Variants in ARHGAP44 observed in about 807,000 individuals in gnomAD.
ARHGAP44 encodes Rho GTPase activating protein 44, also known as rho GTPase-activating protein 44.
Under a neutral mutation model 106.8 loss-of-function variants are expected in ARHGAP44, and 43 were observed. That is an observed-to-expected ratio of 0.40 (90% CI 0.32 to 0.52). The LOEUF (loss-of-function observed/expected upper bound fraction) is 0.52. Ranked by LOEUF, ARHGAP44 falls within the 20% of genes least tolerant of loss-of-function variation. The probability of loss-of-function intolerance (pLI) is 0.48; values close to 1 mark genes in which losing one functional copy is unlikely to be tolerated. For synonymous variants in ARHGAP44, 439 were observed against 410.3 expected, an observed-to-expected ratio of 1.07 and a Z score of -0.85; for missense variants, 866 against 1,050.5, an observed-to-expected ratio of 0.82 and a Z score of 2.43.
chr17:12,956,888 C>T (rs888299080), intron 15 of ARHGAP44, 142 bp downstream of exon 15: 131 of 639,040 alleles, frequency 2.0e-4, no homozygotes, highest in Middle Eastern at 4.1e-4. Context: ...CACACACACA[C>T]GCATGCAGAC....
At chr17:12,870,396 G>A (rs1363812567) in intron 1 of ARHGAP44, among the ~76,000 whole-genome samples, 3 of 152,094 alleles carry the variant, frequency 2.0e-5, no homozygotes, top group South Asian at 2.1e-4. Flanking sequence ...CTTTTAATAC[G>A]TACTGCCAGA....
chr17:12,983,770 C>T (rs998763600), intron 19 of ARHGAP44, among the ~76,000 whole-genome samples: 9 of 152,020 alleles, frequency 5.9e-5, no homozygotes, highest in Non-Finnish European at 1.3e-4. Flanking sequence ...CGCCATTGCA[C>T]TCCAGCCTGG....
chr17:12,862,247 A>G (rs903390875), intron 1 of ARHGAP44, among the ~76,000 whole-genome samples: 1 of 152,050 alleles, frequency 6.6e-6, no homozygotes, highest in South Asian at 2.1e-4. Context: ...CAAAGAATGG[A>G]GTCAACCTTA....
intron 1 of ARHGAP44, among the ~76,000 whole-genome samples, chr17:12,868,004 A>G (rs1425137764): frequency 6.6e-6 from 1 of 152,202 alleles, no homozygotes; most frequent in Non-Finnish European, 1.5e-5. Context: ...TTGCAGTGAC[A>G]AAGAGACGGT....
chr17:12,882,366 C>A (rs574175181), intron 1 of ARHGAP44, among the ~76,000 whole-genome samples: 2 of 152,144 alleles, frequency 1.3e-5, no homozygotes, highest in Non-Finnish European at 2.9e-5. Context: ...CTGTAGATTA[C>A]TTTGGATTAT....
At chr17:12,950,107 C>G (rs574263940) in intron 12 of ARHGAP44, among the ~76,000 whole-genome samples, 1 of 152,054 alleles carries the variant, frequency 6.6e-6, no homozygotes, top group Non-Finnish European at 1.5e-5. Flanking sequence ...GTTATAAAAA[C>G]GAAAACAAAC....
intron 7 of ARHGAP44, chr17:12,929,254 A>G (rs2038332946): frequency 2.2e-6 from 1 of 456,174 alleles, no homozygotes; most frequent in Non-Finnish European, 4.0e-6. Context: ...GGGAGGCAGC[A>G]TTCATTTATC....
At chr17:12,939,698 C>A (rs2038653587) in intron 7 of ARHGAP44, among the ~76,000 whole-genome samples, 1 of 152,164 alleles carries the variant, frequency 6.6e-6, no homozygotes, top group Admixed American at 6.5e-5. Flanking sequence ...GATCTCCTGA[C>A]CTCGTGATCC....
At chr17:12,847,155 G>A (rs2035591636) in intron 1 of ARHGAP44, among the ~76,000 whole-genome samples, 3 of 152,172 alleles carry the variant, frequency 2.0e-5, no homozygotes. Context: ...AGGCATAGCA[G>A]TATAGGCTGA....
chr17:12,857,976 C>A (rs1259300654), intron 1 of ARHGAP44, among the ~76,000 whole-genome samples: 1 of 152,000 alleles, frequency 6.6e-6, no homozygotes, highest in Non-Finnish European at 1.5e-5. Context: ...GATTGGCTGC[C>A]ACTAATCCTG....
intron 4 of ARHGAP44, among the ~76,000 whole-genome samples, 190 bp downstream of exon 4, chr17:12,909,163 G>T (rs1452100113): frequency 6.6e-6 from 1 of 152,160 alleles, no homozygotes; most frequent in East Asian, 1.9e-4. Context: ...GTGAGGCAAG[G>T]CCCAAGTGGA....
chr17:12,912,487 T>A (rs1049978652), intron 4 of ARHGAP44, among the ~76,000 whole-genome samples: 4 of 151,016 alleles, frequency 2.6e-5, no homozygotes, highest in African/African-American at 9.7e-5. Context: ...AAAACAGGAG[T>A]TCTTAGAAAA....
chr17:12,884,711 CA>C (rs1250627881), intron 1 of ARHGAP44, among the ~76,000 whole-genome samples: 1 of 152,170 alleles, frequency 6.6e-6, no homozygotes, highest in African/African-American at 2.4e-5. Context: ...CCCCCATCTA[CA>C]TCACCCACTG....
At chr17:12,896,593 A>G in intron 3 of ARHGAP44, 82 bp downstream of exon 3, 1 of 1,227,596 alleles carries the variant, frequency 8.1e-7, no homozygotes, top group Non-Finnish European at 1.1e-6. Flanking sequence ...TCCTGGATGT[A>G]GCTGTTTATG....
At chr17:12,870,069 GATAGAGTCT>G (rs1415738030) in intron 1 of ARHGAP44, among the ~76,000 whole-genome samples, 31 of 17,674 alleles carry the variant, frequency 1.8e-3, no homozygotes, top group African/African-American at 5.3e-3. Context: ...TTTTTTTTGA[GATAGAGTCT>G]TGCTCTGTCA....
At chr17:12,897,921 G>C (rs1269087787) in intron 3 of ARHGAP44, among the ~76,000 whole-genome samples, 3 of 152,026 alleles carry the variant, frequency 2.0e-5, no homozygotes, top group Non-Finnish European at 4.4e-5. Flanking sequence ...ATTGGATTGA[G>C]AGTCTTACGT....
chr17:12,799,433 G>A (rs982656875), intron 1 of ARHGAP44, among the ~76,000 whole-genome samples: 2 of 152,190 alleles, frequency 1.3e-5, no homozygotes, highest in Non-Finnish European at 2.9e-5. Context: ...CAAAATCTCA[G>A]TATGTGGTTT....
At chr17:12,814,758 A>G (rs1237190917) in intron 1 of ARHGAP44, among the ~76,000 whole-genome samples, 1 of 152,060 alleles carries the variant, frequency 6.6e-6, no homozygotes, top group Non-Finnish European at 1.5e-5. Context: ...ACACTCCTCC[A>G]CTGGGTGTAC....
At chr17:12,858,741 A>G (rs564436860) in intron 1 of ARHGAP44, among the ~76,000 whole-genome samples, 1 of 152,140 alleles carries the variant, frequency 6.6e-6, no homozygotes, top group Non-Finnish European at 1.5e-5. Flanking sequence ...GGGCCTTTGT[A>G]TTAGTACATT....
Sources: allele counts gnomAD v4.1 joint callset (sites outside exome capture counted in the v4.1 genomes callset), GRCh38; gene constraint gnomAD v4.1.1; transcripts MANE v1.5; gene names NCBI Gene and HGNC (gene_info 2026-07-23, HGNC 2026-07-21).